IKBKB: variants seen among roughly 807,000 people sequenced by gnomAD.
IKBKB encodes the protein inhibitor of nuclear factor kappa-B kinase subunit beta.
Under a neutral mutation model 113.6 loss-of-function variants are expected in IKBKB, and 42 were observed. The ratio of observed to expected loss-of-function variants is 0.37; its 90% CI spans 0.29 to 0.48. The LOEUF (loss-of-function observed/expected upper bound fraction) is 0.48, where lower values mean the gene tolerates loss of function less well. IKBKB is among the 20% of genes least tolerant of loss of function. IKBKB has a pLI of 0.99. For missense variants in IKBKB, 673 were observed against 939.7 expected (o/e 0.72, Z 3.71); for synonymous variants, 296 against 361.3 (o/e 0.82, Z 2.05).
At chr8:42,302,607 G>A (rs1489551167) in intron 5 of IKBKB, among the ~76,000 whole-genome samples, 1 of 152,080 alleles carries the variant, frequency 6.6e-6, no homozygotes, top group Non-Finnish European at 1.5e-5. Flanking sequence ...TTAACACATT[G>A]TTCCATGCAC....
chr8:42,278,068 G>A (rs544261026), intron 2 of IKBKB, among the ~76,000 whole-genome samples: 2 of 152,346 alleles, frequency 1.3e-5, no homozygotes, highest in African/African-American at 2.4e-5. Flanking sequence ...GAGACCTTCC[G>A]TTGGGGTGGG....
intron 5 of IKBKB, among the ~76,000 whole-genome samples, chr8:42,294,615 C>A (rs768391957): frequency 4.6e-5 from 7 of 152,216 alleles, no homozygotes; most frequent in Non-Finnish European, 8.8e-5. Flanking sequence ...TCCAAATAGT[C>A]TGACACAGAA....
chr8:42,331,081 T>A lies in IKBKB; in HGVS notation c.*102T>A. The A allele has an allele frequency of 6.4e-7, 1 of 1,564,606 alleles. No individual in the cohort carries two copies. Among genetic ancestry groups the A allele is most frequent in the Non-Finnish European group, 8.7e-7 (1 of 1,153,440 alleles). ...ATGGGGCTGCCTGGAGCAGGCCGCG[T>A]GACGTGGGGCTGCCTGGCCGCGGCT... is the stretch of plus-strand genomic sequence containing the variant. On this transcript the variant is annotated 3_prime_UTR_variant, in exon 22 of 22. Coordinates refer to ENST00000520810, the MANE Select transcript of IKBKB (RefSeq NM_001556.3).
At position 42,316,086 on chromosome 8, in the gene IKBKB, A is replaced by T. The variant is rs887482998; in HGVS notation, c.801-124A>T. The T allele has an allele frequency of 2.9e-6, 3 of 1,017,296 alleles. No individual in the cohort carries two copies. The highest frequency in any genetic ancestry group is 4.3e-6 in the Non-Finnish European group (3 of 700,380). The allele number at this position is 1,017,296 out of a possible 1,614,324, so 63.0% of individuals were successfully genotyped here. A position where few individuals can be genotyped will look rare whatever the true frequency, so the allele number is the denominator to read the frequency against. ...ATTGGAAATGTTTATACTGTTTCTG[A>T]TAAACCCATTTTCATTTTCAATCAC... On this transcript the variant is annotated intron_variant, in intron 9 of 21. Transcript: ENST00000520810. This position sits in a 1 kb window ranked among gnomAD's most constrained non-coding sequence, Gnocchi z 4.5.
In IKBKB at chr8:42,316,689, A is replaced by G. The variant is rs1294164553; in HGVS notation, c.931-21A>G. 1 of 1,594,040 alleles carries G rather than the reference A, an allele frequency of 6.3e-7. No homozygotes were observed. The highest frequency in any genetic ancestry group is 8.6e-7 in the Non-Finnish European group (1 of 1,166,762). The stretch of plus-strand genomic sequence containing the variant: ...TCCTTGAAGAAATCGGTTTTCCAGT[A>G]ACATCTGGGTTGTGTTGCAGCTGGT... On this transcript the variant is annotated intron_variant, in intron 10 of 21. Coordinates refer to ENST00000520810, the MANE Select transcript of IKBKB (RefSeq NM_001556.3). This position sits in a 1 kb window ranked among gnomAD's most constrained non-coding sequence, Gnocchi z 4.5.
At chr8:42,328,734 T>C (rs6474387) in intron 20 of IKBKB, among the ~76,000 whole-genome samples, 115,960 of 152,168 alleles carry the variant, frequency 0.76, 48,247 homozygotes, top group Non-Finnish European at 0.93. Flanking sequence ...GAACTGTGAA[T>C]CCTGATAAAT....
intron 19 of IKBKB, chr8:42,325,565 G>C (rs1404862550): frequency 1.4e-6 from 1 of 689,688 alleles, no homozygotes; most frequent in Non-Finnish European, 1.8e-6. Context: ...TGTAATCCCA[G>C]CTACTTGGGA....
chr8:42,271,441 C>T lies in IKBKB; in HGVS notation c.-47C>T. On this transcript the variant is annotated 5_prime_UTR_variant, in exon 1 of 22. Transcript: ENST00000520810. ...CCCGCCTTCCCCGCCCCGGGGAGCC[C>T]GCCCCCTGCCCCGCGTCCCTGCCGA... is the stretch of plus-strand genomic sequence containing the variant. 1.4e-6 allele frequency: 2 copies of T among 1,441,974 alleles called. No individual in the cohort carries two copies. Among genetic ancestry groups the T allele is most frequent in the East Asian group, 2.5e-5 (1 of 39,886 alleles). 89.3% of individuals were successfully genotyped at this position (1,441,974 alleles called of 1,614,324 possible). A position where few individuals can be genotyped will look rare whatever the true frequency, so the allele number is the denominator to read the frequency against.
intron 2 of IKBKB, among the ~76,000 whole-genome samples, chr8:42,272,939 CAA>C (rs71221204): frequency 2.1e-4 from 11 of 51,568 alleles, no homozygotes; most frequent in Non-Finnish European, 2.1e-4. Flanking sequence ...GACTCCGTCT[CAA>C]AAAAAAAAAA....
intron 2 of IKBKB, among the ~76,000 whole-genome samples, chr8:42,282,037 A>C (rs564128423): frequency 6.6e-6 from 1 of 152,284 alleles, no homozygotes; most frequent in East Asian, 1.9e-4. Flanking sequence ...TATGACACAC[A>C]TGCTTATATA....
intron 1 of IKBKB, 153 bp from the exon 2 acceptor site, chr8:42,271,930 C>A: frequency 1.2e-6 from 1 of 850,980 alleles, no homozygotes; most frequent in East Asian, 2.7e-5. Context: ...TTTGGACCAA[C>A]CAAACACATT....
chr8:42,319,691 AT>A, intron 15 of IKBKB, 45 bp downstream of exon 15: 1 of 1,467,904 alleles, frequency 6.8e-7, no homozygotes, highest in Non-Finnish European at 9.2e-7. Context: ...AGGGGGTGAG[AT>A]TTTGTGCTCC....
At chr8:42,298,585 A>C (rs1222162939) in intron 5 of IKBKB, 1 of 680,100 alleles carries the variant, frequency 1.5e-6, no homozygotes, top group Non-Finnish European at 1.8e-6. Context: ...TTTGCACATA[A>C]AGCTTTTTGG....
At chr8:42,312,053 A>AT (rs879257323) in intron 8 of IKBKB, among the ~76,000 whole-genome samples, 8 of 151,954 alleles carry the variant, frequency 5.3e-5, no homozygotes, top group Non-Finnish European at 1.2e-4. Flanking sequence ...CGCCTGGCTA[A>AT]TTTTTTGTAT....
chr8:42,316,471 T>G lies in IKBKB; in HGVS notation c.930+132T>G. ...ATTTAGGCTCCTGCATCAGTCTTTC[T>G]GCATAAGTAAAGAAAGGACAGTTGT... is the stretch of plus-strand genomic sequence containing the variant. On this transcript the variant is annotated intron_variant, in intron 10 of 21. Coordinates refer to ENST00000520810, the MANE Select transcript of IKBKB (RefSeq NM_001556.3). This position sits in a 1 kb window ranked among gnomAD's most constrained non-coding sequence, Gnocchi z 4.5. The G allele has an allele frequency of 9.0e-7, 1 of 1,116,210 alleles. No individual in the cohort carries two copies. Among genetic ancestry groups the G allele is most frequent in the Non-Finnish European group, 1.3e-6 (1 of 785,028 alleles). The allele number at this position is 1,116,210 out of a possible 1,614,324, so 69.1% of individuals were successfully genotyped here.
chr8:42,322,269 T>C (rs1819919152), intron 18 of IKBKB, 78 bp from the exon 19 acceptor site: 1 of 1,583,668 alleles, frequency 6.3e-7, no homozygotes, highest in Non-Finnish European at 8.7e-7. Flanking sequence ...CTGCAGCTGC[T>C]GACTGGATGC....
intron 14 of IKBKB, 35 bp from the exon 15 acceptor site, chr8:42,319,550 T>C (rs770163772): frequency 5.7e-6 from 9 of 1,581,274 alleles, no homozygotes; most frequent in Non-Finnish European, 7.7e-6. Context: ...TTTTATTTTG[T>C]TTTGTTTTGT....
chr8:42,327,330 CTTTTT>C (rs397767670), intron 20 of IKBKB, among the ~76,000 whole-genome samples: 2 of 105,430 alleles, frequency 1.9e-5, no homozygotes, highest in South Asian at 6.9e-4. Flanking sequence ...CTCTCTCTCT[CTTTTT>C]TTTTTTTTTT....
At chr8:42,287,824 C>T (rs1287060404) in intron 2 of IKBKB, among the ~76,000 whole-genome samples, 4 of 152,136 alleles carry the variant, frequency 2.6e-5, no homozygotes, top group South Asian at 2.1e-4. Context: ...ATTATGCTTG[C>T]GTTCTCTCTG....
Sources: allele counts gnomAD v4.1 joint callset (sites outside exome capture counted in the v4.1 genomes callset), GRCh38; gene constraint gnomAD v4.1.1; non-coding constraint Gnocchi (gnomAD v3.1); transcripts MANE v1.5; gene names NCBI Gene and HGNC (gene_info 2026-07-23, HGNC 2026-07-21).